Variants in AOX1 observed in about 807,000 individuals in gnomAD.
The protein encoded by AOX1 is aldehyde oxidase 1.
A neutral mutation model predicts 169.5 loss-of-function variants in AOX1; 153 were observed. The observed-to-expected ratio is 0.90, with a 90% confidence interval of 0.79 to 1.03. The LOEUF (loss-of-function observed/expected upper bound fraction) is 1.03, where lower values mean the gene tolerates loss of function less well. AOX1 is among the 50% of genes least tolerant of loss of function. The pLI is 0.00. For synonymous variants in AOX1, 562 were observed against 581.9 expected, an observed-to-expected ratio of 0.97 and a Z score of 0.49; for missense variants, 1,656 against 1,663.9, an observed-to-expected ratio of 1.00 and a Z score of 0.08.
chr2:200,667,377 G>A (rs2540068), intron 32 of AOX1, among the ~76,000 whole-genome samples: 60,989 of 150,944 alleles, frequency 0.4, 13,561 homozygotes, highest in African/African-American at 0.61. Flanking sequence ...TACTGGGTTT[G>A]CGTGTCTCGA....
At chr2:200,635,537 G>A (rs767142987) in intron 21 of AOX1, among the ~76,000 whole-genome samples, 5 of 152,220 alleles carry the variant, frequency 3.3e-5, no homozygotes, top group Non-Finnish European at 5.9e-5. Context: ...TCTTAAGTTT[G>A]GATTCAGAAT....
intron 27 of AOX1, among the ~76,000 whole-genome samples, chr2:200,658,794 C>T (rs1423889824): frequency 1.3e-5 from 2 of 152,178 alleles, no homozygotes; most frequent in Admixed American, 1.3e-4. Flanking sequence ...TAGACATCTC[C>T]TATCATTGAT....
chr2:200,616,899 G>A (rs2034769281), intron 16 of AOX1, among the ~76,000 whole-genome samples: 1 of 152,170 alleles, frequency 6.6e-6, no homozygotes, highest in Non-Finnish European at 1.5e-5. Flanking sequence ...ACGTTGGTGT[G>A]TATTCCTTGA....
chr2:200,629,153 G>A (rs978361134), intron 20 of AOX1, among the ~76,000 whole-genome samples: 2 of 152,114 alleles, frequency 1.3e-5, no homozygotes, highest in Admixed American at 1.3e-4. Context: ...GGGCTGACTG[G>A]AAATGTCACC....
intron 16 of AOX1, among the ~76,000 whole-genome samples, chr2:200,618,375 A>G (rs577509432): frequency 6.6e-6 from 1 of 152,336 alleles, no homozygotes; most frequent in East Asian, 1.9e-4. Context: ...ATTTTGCAGC[A>G]AAACAGTAAA....
intron 12 of AOX1, among the ~76,000 whole-genome samples, chr2:200,610,903 G>C (rs1158461513): frequency 6.6e-6 from 1 of 151,980 alleles, no homozygotes; most frequent in Non-Finnish European, 1.5e-5. Context: ...ATCCAGGCTG[G>C]AGTGCAGTGG....
At chr2:200,598,436 A>G in intron 4 of AOX1, among the ~76,000 whole-genome samples, 1 of 152,116 alleles carries the variant, frequency 6.6e-6, no homozygotes, top group Non-Finnish European at 1.5e-5. Context: ...CTTTATGTAT[A>G]TATTGCCCAT....
chr2:200,604,130 G>T (rs752379517), intron 8 of AOX1, 33 bp downstream of exon 8: 7 of 1,470,092 alleles, frequency 4.8e-6, no homozygotes, highest in Non-Finnish European at 6.7e-6. Flanking sequence ...CATCCTAGAA[G>T]AATTCATGGT....
intron 28 of AOX1, 112 bp downstream of exon 28, chr2:200,659,405 A>T: frequency 8.0e-7 from 1 of 1,243,044 alleles, no homozygotes; most frequent in East Asian, 2.4e-5. Context: ...CTCCTTCCCC[A>T]TCTTGCCCTC....
downstream of AOX1, among the ~76,000 whole-genome samples, chr2:200,674,802 T>C (rs541135812): frequency 1.1e-4 from 17 of 152,302 alleles, no homozygotes; most frequent in East Asian, 3.3e-3. Context: ...GGCCATTTGG[T>C]GGCAAATTGA....
intron 10 of AOX1, 100 bp from the exon 11 acceptor site, chr2:200,608,884 G>A (rs1263653756): frequency 6.8e-6 from 7 of 1,025,768 alleles, no homozygotes; most frequent in Non-Finnish European, 8.6e-6. Context: ...AGGGCAGCAT[G>A]TATCCAGTAT....
rs1380272490 is a variant in AOX1 at position 200,612,675 on chromosome 2, G to A, written c.1330G>A (p.Gly444Arg). The A allele has an allele frequency of 9.9e-6, 16 of 1,613,982 alleles. No individual in the cohort carries two copies. Among genetic ancestry groups the A allele is most frequent in the East Asian group, 2.2e-5 (1 of 44,874 alleles). ...QENALAIVNS[G>R]MRVFFGEGDG... is the part of the protein sequence containing the mutation. ...GAATGCGCTAGCGATAGTCAATTCA[G>A]GAATGAGAGTCTTTTTTGGAGAAGG... Residue 444 changes from glycine (G) to arginine (R), a missense_variant, in exon 14 of 35, where the codon GGA becomes AGA. Coordinates refer to ENST00000374700, the MANE Select transcript of AOX1 (RefSeq NM_001159.4).
At chr2:200,610,102 C>T (rs1270705153) in intron 12 of AOX1, among the ~76,000 whole-genome samples, 2 of 147,036 alleles carry the variant, frequency 1.4e-5, no homozygotes, top group African/African-American at 5.0e-5. Flanking sequence ...AATGGAGTCT[C>T]GCTCTGTCAC....
At chr2:200,610,566 G>A (rs575011244) in intron 12 of AOX1, among the ~76,000 whole-genome samples, 89 of 152,104 alleles carry the variant, frequency 5.9e-4, no homozygotes, top group African/African-American at 2.0e-3. Context: ...AATTCTTCAG[G>A]TGTTGGAACA....
At chr2:200,676,426 C>G (rs2036097877), downstream of AOX1, among the ~76,000 whole-genome samples, 1 of 151,868 alleles carries the variant, frequency 6.6e-6, no homozygotes, top group South Asian at 2.1e-4. Context: ...ATGGTGAAAC[C>G]CCGTCTCTAC....
At chr2:200,606,937 A>G (rs1348379404) in intron 10 of AOX1, among the ~76,000 whole-genome samples, 3 of 152,160 alleles carry the variant, frequency 2.0e-5, no homozygotes, top group East Asian at 3.8e-4. Flanking sequence ...AACAGAGGCA[A>G]TTTGACTCCC....
chr2:200,615,190 A>T (rs2034727233), intron 15 of AOX1, among the ~76,000 whole-genome samples: 1 of 152,026 alleles, frequency 6.6e-6, no homozygotes, highest in South Asian at 2.1e-4. Context: ...ATTTTTTTGG[A>T]GAGACAGAGT....
chr2:200,666,612 AG>A, intron 31 of AOX1, 74 bp from the exon 32 acceptor site: 1 of 1,055,408 alleles, frequency 9.5e-7, no homozygotes, highest in South Asian at 1.8e-5. Context: ...TCAGCCTGGC[AG>A]GAAGTGTTCC....
intron 19 of AOX1, among the ~76,000 whole-genome samples, chr2:200,624,377 G>T (rs1574931870): frequency 6.6e-6 from 1 of 152,218 alleles, no homozygotes; most frequent in African/African-American, 2.4e-5. Context: ...TGGAGGAGCT[G>T]TTGGTTACTT....
Sources: allele counts gnomAD v4.1 joint callset (sites outside exome capture counted in the v4.1 genomes callset), GRCh38; gene constraint gnomAD v4.1.1; transcripts MANE v1.5; gene names NCBI Gene and HGNC (gene_info 2026-07-23, HGNC 2026-07-21).